KLHL8: variants seen among roughly 807,000 people sequenced by gnomAD.
KLHL8 encodes kelch-like protein 8.
A neutral mutation model predicts 63.5 loss-of-function variants in KLHL8; 38 were observed. The observed-to-expected ratio is 0.60, with a 90% CI of 0.46 to 0.78. The LOEUF (loss-of-function observed/expected upper bound fraction) is 0.78. Among genes scored for constraint, KLHL8 ranks in the 30% least tolerant of loss-of-function variants. The pLI, the probability that KLHL8 is intolerant of heterozygous loss-of-function variation, is 0.00. For synonymous variants in KLHL8, 224 were observed against 254.3 expected, an observed-to-expected ratio of 0.88 and a Z score of 1.13; for missense variants, 566 against 752.4, an observed-to-expected ratio of 0.75 and a Z score of 2.90.
intron 8 of KLHL8, among the ~76,000 whole-genome samples, chr4:87,165,662 G>A (rs1312095174): frequency 6.6e-6 from 1 of 151,932 alleles, no homozygotes; most frequent in Non-Finnish European, 1.5e-5. Flanking sequence ...CTCCCAAAGT[G>A]CTGGGATTAC....
intron 1 of KLHL8, among the ~76,000 whole-genome samples, chr4:87,234,557 G>A (rs1371571400): frequency 6.6e-6 from 1 of 152,126 alleles, no homozygotes; most frequent in Non-Finnish European, 1.5e-5. Context: ...TGATGTTGGT[G>A]TAAACAAACC....
chr4:87,168,529 T>C (rs1278664862), intron 8 of KLHL8, among the ~76,000 whole-genome samples: 4 of 152,034 alleles, frequency 2.6e-5, no homozygotes, highest in South Asian at 2.1e-4. Context: ...GATTTTCTCC[T>C]AGGGTTATCC....
chr4:87,212,239 C>T (rs1732431262), intron 1 of KLHL8, among the ~76,000 whole-genome samples: 1 of 152,140 alleles, frequency 6.6e-6, no homozygotes. Context: ...TCTCATGTAA[C>T]AGTTCCACCT....
At chr4:87,209,348 T>C (rs1337208631) in intron 1 of KLHL8, among the ~76,000 whole-genome samples, 1 of 152,120 alleles carries the variant, frequency 6.6e-6, no homozygotes, top group Non-Finnish European at 1.5e-5. Context: ...TGTCCATTTC[T>C]ATCACATGTT....
upstream of KLHL8, chr4:87,220,666 G>A (rs1339604821): frequency 2.0e-5 from 3 of 152,308 alleles, no homozygotes; most frequent in Non-Finnish European, 4.4e-5. Flanking sequence ...TCTGGGAAGT[G>A]TGGTTCTCGG....
In KLHL8 at chr4:87,208,412, G is replaced by T. The variant is rs200619473; in HGVS notation, c.-152+12006C>A. On this transcript the variant is annotated intron_variant, in intron 1 of 9. Coordinates refer to ENST00000273963, the MANE Select transcript of KLHL8 (RefSeq NM_020803.5). The stretch of plus-strand genomic sequence containing the variant: ...GGCAGGGTCTCACTCTGCCACCCAG[G>T]CTACAGTGCAGTGGCACAATCTCGG... Among the ~76,000 whole-genome samples, 45 of 150,926 alleles carry T rather than the reference G, an allele frequency of 3.0e-4. No individual in the cohort carries two copies. The East Asian group carries it at 8.4e-3, about 28-fold the overall frequency.
intron 2 of KLHL8, among the ~76,000 whole-genome samples, chr4:87,193,711 C>T (rs540818998): frequency 1.3e-5 from 2 of 152,256 alleles, no homozygotes; most frequent in African/African-American, 2.4e-5. Context: ...AGTTTGTTTA[C>T]ACCAGCATCA....
intron 1 of KLHL8, among the ~76,000 whole-genome samples, chr4:87,196,738 G>T (rs1429024460): frequency 6.6e-6 from 1 of 152,120 alleles, no homozygotes; most frequent in South Asian, 2.1e-4. Flanking sequence ...CAGAAACAGA[G>T]ATTTTAAGTT....
intron 1 of KLHL8, among the ~76,000 whole-genome samples, chr4:87,228,070 G>A (rs900323581): frequency 6.6e-5 from 10 of 152,116 alleles, no homozygotes; most frequent in Non-Finnish European, 2.9e-5. Flanking sequence ...GGAACTTCCT[G>A]GTTGGTGAAC....
In KLHL8 at chr4:87,162,612, G is replaced by C. The variant is rs1730216251; in HGVS notation, c.*907C>G. On this transcript the variant is annotated 3_prime_UTR_variant, in exon 10 of 10. Coordinates refer to ENST00000273963, the MANE Select transcript of KLHL8 (RefSeq NM_020803.5). ...GGATGGTGGCAAATAGCAAAATAGA[G>C]AGATGATAAATCTTGGATCCAAAAT... is the stretch of plus-strand genomic sequence containing the variant. 1 of 152,154 alleles carries C rather than the reference G, an allele frequency of 6.6e-6. No individual in the cohort carries two copies. Among genetic ancestry groups the C allele is most frequent in the Non-Finnish European group, 1.5e-5 (1 of 68,016 alleles). 9.4% of individuals were successfully genotyped at this position (152,154 alleles called of 1,614,324 possible).
At chr4:87,217,569 C>G (rs112836610) in intron 1 of KLHL8, among the ~76,000 whole-genome samples, 1 of 151,606 alleles carries the variant, frequency 6.6e-6, no homozygotes, top group African/African-American at 2.4e-5. Flanking sequence ...TGGTCTGGAA[C>G]TCCTGGGATC....
intron 4 of KLHL8, among the ~76,000 whole-genome samples, chr4:87,182,502 C>T (rs1444269543): frequency 6.6e-6 from 1 of 152,072 alleles, no homozygotes; most frequent in African/African-American, 2.4e-5. Flanking sequence ...CTATTTAGAG[C>T]TCCTCTTCCT....
chr4:87,194,607 A>C (rs1560705488), intron 2 of KLHL8, among the ~76,000 whole-genome samples: 1 of 152,200 alleles, frequency 6.6e-6, no homozygotes, highest in Non-Finnish European at 1.5e-5. Context: ...CCAAGAGTTC[A>C]CCAAAAAATT....
chr4:87,185,866 T>C (rs1224920899), intron 2 of KLHL8, 67 bp from the exon 3 acceptor site: 3 of 1,355,934 alleles, frequency 2.2e-6, no homozygotes, highest in Non-Finnish European at 2.9e-6. Flanking sequence ...GCATTTAACA[T>C]GTGTTTGTAG....
At chr4:87,237,404 A>G (rs1733251175) in intron 1 of KLHL8, among the ~76,000 whole-genome samples, 1 of 152,202 alleles carries the variant, frequency 6.6e-6, no homozygotes, top group Non-Finnish European at 1.5e-5. Flanking sequence ...AACTGTTATC[A>G]GTAGAAACTA....
At chr4:87,179,449 T>G (rs1242073880) in intron 4 of KLHL8, among the ~76,000 whole-genome samples, 1 of 152,158 alleles carries the variant, frequency 6.6e-6, no homozygotes, top group Non-Finnish European at 1.5e-5. Context: ...TCTCAAAAAC[T>G]TTAGTGAATG....
chr4:87,178,986 A>T (rs768693333), intron 4 of KLHL8, among the ~76,000 whole-genome samples: 19 of 152,048 alleles, frequency 1.2e-4, no homozygotes, highest in Non-Finnish European at 2.2e-4. Flanking sequence ...TACTTCCTTG[A>T]TTTCTATATC....
At chr4:87,165,030 T>C (rs1730335066) in intron 8 of KLHL8, among the ~76,000 whole-genome samples, 1 of 151,308 alleles carries the variant, frequency 6.6e-6, no homozygotes, top group Non-Finnish European at 1.5e-5. Flanking sequence ...GCGCCTGTAG[T>C]CCCAGCTACT....
chr4:87,191,878 CTTT>C (rs994965770), intron 2 of KLHL8, among the ~76,000 whole-genome samples: 1 of 151,514 alleles, frequency 6.6e-6, no homozygotes, highest in Non-Finnish European at 1.5e-5. Context: ...TTTTCTGCTT[CTTT>C]ATTAGTTCAC....
Sources: allele counts gnomAD v4.1 joint callset (sites outside exome capture counted in the v4.1 genomes callset), GRCh38; gene constraint gnomAD v4.1.1; transcripts MANE v1.5; gene names NCBI Gene and HGNC (gene_info 2026-07-23, HGNC 2026-07-21).